YES1: variants seen among roughly 807,000 people sequenced by gnomAD.
The protein encoded by YES1 is YES proto-oncogene 1, Src family tyrosine kinase, also known as tyrosine-protein kinase Yes.
In YES1, 39 loss-of-function variants were observed where a neutral mutation model predicts 70.4. That is an observed-to-expected ratio of 0.55 (90% confidence interval 0.43 to 0.72). The LOEUF (loss-of-function observed/expected upper bound fraction) is 0.72. Among genes scored for constraint, YES1 ranks in the 30% least tolerant of loss-of-function variants. The pLI is 0.00. For synonymous variants in YES1, 198 were observed against 218.6 expected (o/e 0.91, Z 0.83); for missense variants, 495 against 644.8 (o/e 0.77, Z 2.52).
intron 1 of YES1, among the ~76,000 whole-genome samples, chr18:774,168 C>A (rs1417180111): frequency 6.6e-6 from 1 of 152,086 alleles, no homozygotes; most frequent in African/African-American, 2.4e-5. Context: ...CTCTTGGTTT[C>A]CCCCCGTCTT....
rs1450014176 is a variant in YES1, at chr18:732,974, A to C, written c.1292-9T>G. 6.2e-7 allele frequency: 1 copy of C among 1,614,042 alleles called. No homozygotes were observed. The highest frequency in any genetic ancestry group is 1.7e-5 in the Admixed American group (1 of 60,030). On this transcript the variant is annotated splice_polypyrimidine_tract_variant and intron_variant, in intron 10 of 11. Transcript: ENST00000314574. ...GATTGGAAATTTTGCACCTAAAATA[A>C]TGTTGACCATCTTGCTTAATTGTTT...
chr18:726,230 C>G (rs745358195), intron 11 of YES1, among the ~76,000 whole-genome samples: 2 of 151,994 alleles, frequency 1.3e-5, no homozygotes, highest in African/African-American at 4.8e-5. Context: ...TTGAGACCAT[C>G]CTGGCCAACA....
chr18:728,938 A>T (rs7244065), intron 11 of YES1, among the ~76,000 whole-genome samples: 19,764 of 151,826 alleles, frequency 0.13, 1,409 homozygotes, highest in East Asian at 0.28. Flanking sequence ...ACTGAGTTTA[A>T]TTTTCTTGTT....
rs1002058308 is a variant in YES1 at position 736,720 on chromosome 18, A to C, written c.1291+88T>G. ...TGACTCTTCTGAGGGAAGCTAAAAC[A>C]ATTCTTATTCTGGAAAACCCTGTAT... On this transcript the variant is annotated intron_variant, in intron 10 of 11. Transcript: ENST00000314574. The C allele has an allele frequency of 6.7e-6, 10 of 1,498,694 alleles. No homozygotes were observed. In the African/African-American group the frequency reaches 1.4e-4, roughly 21 times the overall value. 92.8% of individuals were successfully genotyped at this position (1,498,694 alleles called of 1,614,324 possible). A position where few individuals can be genotyped will look rare whatever the true frequency, so the allele number is the denominator to read the frequency against.
chr18:737,716 T>C (rs1297450994), intron 9 of YES1, among the ~76,000 whole-genome samples: 2 of 152,156 alleles, frequency 1.3e-5, no homozygotes, highest in African/African-American at 4.8e-5. Context: ...AAAACTGTTT[T>C]TTACATTTTG....
chr18:743,905 CGA>C (rs1568191944), intron 6 of YES1, among the ~76,000 whole-genome samples: 49 of 130,134 alleles, frequency 3.8e-4, no homozygotes, highest in African/African-American at 1.5e-3. Flanking sequence ...GATTCTGACT[CGA>C]AAAAAAAAAA....
intron 1 of YES1, among the ~76,000 whole-genome samples, chr18:794,916 A>C (rs1250034994): frequency 1.3e-5 from 2 of 152,172 alleles, no homozygotes; most frequent in Admixed American, 6.6e-5. Flanking sequence ...CCCGGGTTCA[A>C]GCAATTCTCC....
chr18:794,309 C>T (rs1448760139), intron 1 of YES1, among the ~76,000 whole-genome samples: 1 of 152,144 alleles, frequency 6.6e-6, no homozygotes, highest in Non-Finnish European at 1.5e-5. Flanking sequence ...AACAAAAACT[C>T]ATCGATGTAC....
intron 10 of YES1, 23 bp from the exon 11 acceptor site, chr18:732,988 G>C (rs1317761624): frequency 6.2e-7 from 1 of 1,613,178 alleles, no homozygotes; most frequent in East Asian, 2.2e-5. Context: ...TGACCATCTT[G>C]CTTAATTGTT....
intron 11 of YES1, among the ~76,000 whole-genome samples, chr18:725,146 C>T (rs2080002048): frequency 6.6e-6 from 1 of 152,200 alleles, no homozygotes. Flanking sequence ...AGATATTACA[C>T]ATAGTTCCTT....
chr18:762,870 A>G (rs989070282), intron 1 of YES1, among the ~76,000 whole-genome samples: 1 of 152,202 alleles, frequency 6.6e-6, no homozygotes, highest in African/African-American at 2.4e-5. Context: ...CAAATACAAC[A>G]CTGTACAATG....
intron 1 of YES1, among the ~76,000 whole-genome samples, chr18:776,251 T>A (rs534388439): frequency 1.3e-5 from 2 of 151,878 alleles, no homozygotes; most frequent in Non-Finnish European, 2.9e-5. Context: ...TGGAGTGCAG[T>A]GATGCAATCT....
At chr18:782,746 G>T (rs1905737392) in intron 1 of YES1, among the ~76,000 whole-genome samples, 1 of 152,182 alleles carries the variant, frequency 6.6e-6, no homozygotes, top group South Asian at 2.1e-4. Flanking sequence ...CCAGGTTGGA[G>T]TGCAGCGGCA....
rs1261256311 is a variant in YES1, at chr18:722,807, T to C, written c.*1617A>G. The C allele has an allele frequency of 1.3e-5, 2 of 152,228 alleles. No individual in the cohort carries two copies. Among genetic ancestry groups the C allele is most frequent in the Non-Finnish European group, 2.9e-5 (2 of 68,060 alleles). 9.4% of individuals were successfully genotyped at this position (152,228 alleles called of 1,614,324 possible). A position where few individuals can be genotyped will look rare whatever the true frequency, so the allele number is the denominator to read the frequency against. On this transcript the variant is annotated 3_prime_UTR_variant, in exon 12 of 12. Transcript: ENST00000314574. Reference sequence around the variant, plus strand: ...CCATTACATAGACTTTAGAAGTGAATGTAGGCTGGGCGCGGTGGCTCACGC... The same window carrying C: ...CCATTACATAGACTTTAGAAGTGAACGTAGGCTGGGCGCGGTGGCTCACGC...
intron 1 of YES1, among the ~76,000 whole-genome samples, chr18:760,313 T>G (rs1214173142): frequency 6.6e-6 from 1 of 151,984 alleles, no homozygotes; most frequent in African/African-American, 2.4e-5. Context: ...CTACTAAAAA[T>G]ACAAAAGTTA....
chr18:727,716 AC>A lies in YES1; in HGVS notation c.1424-3085del, dbSNP rs561988203. 2.9e-3 allele frequency among the ~76,000 whole-genome samples: 436 copies of A among 152,016 alleles called. 2 individuals carry two copies. The highest frequency in any genetic ancestry group is 9.9e-3 in the African/African-American group (412 of 41,434). ...AGAACGGTTTACCTCTTATTCCCTGACCCCCTCTACCCTTTGTGTTACTGTC... is the reference window on the plus strand; with the variant it reads ...AGAACGGTTTACCTCTTATTCCCTGACCCCTCTACCCTTTGTGTTACTGTC... On this transcript the variant is annotated intron_variant, in intron 11 of 11. Coordinates refer to ENST00000314574, the MANE Select transcript of YES1 (RefSeq NM_005433.4).
At chr18:761,465 T>C (rs1041512748) in intron 1 of YES1, among the ~76,000 whole-genome samples, 5 of 152,290 alleles carry the variant, frequency 3.3e-5, no homozygotes, top group African/African-American at 1.2e-4. Flanking sequence ...GGAAATACCA[T>C]GTCAATTCAC....
chr18:755,251 C>CT (rs780424527), intron 2 of YES1, among the ~76,000 whole-genome samples: 659 of 141,750 alleles, frequency 4.6e-3, no homozygotes, highest in South Asian at 9.6e-3. Flanking sequence ...TGGCCATTGC[C>CT]TTTTTTTTTT....
intron 1 of YES1, among the ~76,000 whole-genome samples, chr18:782,336 G>A (rs988265867): frequency 3.9e-5 from 6 of 152,148 alleles, no homozygotes; most frequent in African/African-American, 1.4e-4. Context: ...AATTCCTAAA[G>A]GACCCTGGCC....
Sources: gnomAD v4.1 joint callset for allele counts (sites outside exome capture counted in the v4.1 genomes callset) on GRCh38, gnomAD v4.1.1 for gene constraint, MANE v1.5 for transcripts, NCBI Gene and HGNC (gene_info 2026-07-23, HGNC 2026-07-21) for gene names.